MUC5AC: variants seen among roughly 807,000 people sequenced by gnomAD.
MUC5AC encodes the protein mucin-5AC.
Under a neutral mutation model 169.7 loss-of-function variants are expected in MUC5AC, and 158 were observed. That is an observed-to-expected ratio of 0.93 (90% CI 0.82 to 1.06). MUC5AC has a LOEUF of 1.06. MUC5AC is among the 50% of genes least tolerant of loss of function. MUC5AC has a pLI of 0.00. For synonymous variants in MUC5AC, 1,975 were observed against 1,237.0 expected, an observed-to-expected ratio of 1.60 and a Z score of -12.52; for missense variants, 4,359 against 3,089.9, an observed-to-expected ratio of 1.41 and a Z score of -9.74.
Position 1,161,963 on chromosome 11 carries a change from A to T in MUC5AC, c.268A>T (p.Lys90Ter), listed in dbSNP as rs905096549. 1 of 1,612,174 alleles carries T rather than the reference A, an allele frequency of 6.2e-7. No individual in the cohort carries two copies. The highest frequency in any genetic ancestry group is 8.5e-7 in the Non-Finnish European group (1 of 1,179,704). Residue 90 changes from lysine to a stop codon, truncating the protein, a stop_gained, in exon 4 of 49, where the codon AAG becomes TAG. Coordinates refer to ENST00000621226, the MANE Select transcript of MUC5AC (RefSeq NM_001304359.2). LOFTEE classifies it high-confidence loss of function. ...CAGCACCTGGGGCAGCTTCCACTACAAGACCTTCGACGGCGACGTCTTCCG... is the reference window on the plus strand; with the variant it reads ...CAGCACCTGGGGCAGCTTCCACTACTAGACCTTCGACGGCGACGTCTTCCG... The part of the protein sequence containing the change: ...VCSTWGSFHY[K>*]TFDGDVFRFP...
At position 1,188,198 on chromosome 11, in the gene MUC5AC, C is replaced by G; in HGVS notation, c.10053C>G (p.Ser3351=). ...GRATSPTQST[S]SWQKSRTTTL... Reference sequence around the variant, plus strand: ...CCACCAGCCCAACTCAGAGCACTTCCTCTTGGCAGAAATCCAGGACAACCA... The same window carrying G: ...CCACCAGCCCAACTCAGAGCACTTCGTCTTGGCAGAAATCCAGGACAACCA... Residue 3351 remains serine, a synonymous_variant, in exon 31 of 49, where the codon TCC becomes TCG. Coordinates refer to ENST00000621226, the MANE Select transcript of MUC5AC (RefSeq NM_001304359.2). 2.9e-6 allele frequency: 2 copies of G among 683,688 alleles called. No individual in the cohort carries two copies. The highest frequency in any genetic ancestry group is 3.2e-5 in the South Asian group (2 of 61,712). The allele number at this position is 683,688 out of a possible 1,614,324, so 42.4% of individuals were successfully genotyped here.
chr11:1,188,921 G>A lies in MUC5AC; in HGVS notation c.10776G>A (p.Glu3592=). 2.7e-6 allele frequency: 2 copies of A among 753,314 alleles called. No individual in the cohort carries two copies. Among genetic ancestry groups the A allele is most frequent in the South Asian group, 2.7e-5 (2 of 72,850 alleles). The allele number at this position is 753,314 out of a possible 1,614,324, so 46.7% of individuals were successfully genotyped here. A position where few individuals can be genotyped will look rare whatever the true frequency, so the allele number is the denominator to read the frequency against. Residue 3592 remains glutamate (E), a synonymous_variant, in exon 31 of 49, where the codon GAG becomes GAA. Transcript: ENST00000621226. ...LGQVVQCSRE[E]GLVCRNQDQQ... The stretch of plus-strand genomic sequence containing the variant: ...AGGTGGTGCAGTGCAGCCGCGAAGA[G>A]GGCCTGGTGTGCCGGAACCAGGACC...
chr11:1,193,909 C>A (rs1861189621), intron 33 of MUC5AC, among the ~76,000 whole-genome samples: 1 of 152,246 alleles, frequency 6.6e-6, no homozygotes, highest in African/African-American at 2.4e-5. Context: ...CCCTGCCTCG[C>A]TCCAGCCTTG....
chr11:1,189,507 A>T lies in MUC5AC; in HGVS notation c.11362A>T (p.Ile3788Leu). The T allele has an allele frequency of 1.7e-6, 1 of 592,436 alleles. No individual in the cohort carries two copies. Among genetic ancestry groups the T allele is most frequent in the Non-Finnish European group, 3.0e-6 (1 of 334,034 alleles). The allele number at this position is 592,436 out of a possible 1,614,324, so 36.7% of individuals were successfully genotyped here. ...TACAACTAGCACTACCTCTGCTCCC[A>T]TAACCAGCACAATCTCTGCCCCTAC... is the stretch of plus-strand genomic sequence containing the variant. ...APTTSTTSAP[I>L]TSTISAPTTS... The change falls in exon 31 of 49, where the codon ATA becomes TTA. Residue 3788 changes from isoleucine (I) to leucine (L), a missense_variant. Ile to Leu is a conservative substitution (Grantham distance 5). Transcript: ENST00000621226.
chr11:1,198,529 C>T (rs886774914), intron 43 of MUC5AC, among the ~76,000 whole-genome samples: 14 of 151,402 alleles, frequency 9.2e-5, no homozygotes, highest in South Asian at 6.2e-4. Flanking sequence ...CGGGGGGCTC[C>T]GGGGGACTTT....
intron 32 of MUC5AC, 121 bp from the exon 33 acceptor site, chr11:1,193,364 C>G (rs958698744): frequency 1.8e-5 from 11 of 618,042 alleles, no homozygotes; most frequent in Non-Finnish European, 8.8e-6. Flanking sequence ...AGGAAGGAAA[C>G]TGGGGCACAG....
At chr11:1,163,767 C>G (rs956102612) in intron 6 of MUC5AC, 115 bp from the exon 7 acceptor site, 2 of 779,746 alleles carry the variant, frequency 2.6e-6, no homozygotes, top group Non-Finnish European at 4.3e-6. Context: ...CAGGAGCCAC[C>G]GATGGCCCTT....
At chr11:1,200,324 A>C in intron 48 of MUC5AC, 114 bp from the exon 49 acceptor site, 1 of 602,690 alleles carries the variant, frequency 1.7e-6, no homozygotes, top group Non-Finnish European at 3.0e-6. Flanking sequence ...CACTGGCAGC[A>C]TGCCTCCAGG....
chr11:1,181,522 C>T (rs1190246383), intron 30 of MUC5AC, 63 bp downstream of exon 30: 6 of 398,258 alleles, frequency 1.5e-5, no homozygotes, highest in Non-Finnish European at 2.2e-5. Flanking sequence ...GCACAGCTGC[C>T]CTTGCTGGAC....
Position 1,189,118 on chromosome 11 carries a change from CTT to C in MUC5AC, c.10975_10976del (p.Leu3659GlyfsTer20). 1.7e-6 allele frequency: 1 copy of C among 603,148 alleles called. No individual in the cohort carries two copies. The highest frequency in any genetic ancestry group is 2.0e-5 in the South Asian group (1 of 49,438). 37.4% of individuals were successfully genotyped at this position (603,148 alleles called of 1,614,324 possible). A position where few individuals can be genotyped will look rare whatever the true frequency, so the allele number is the denominator to read the frequency against. The stretch of plus-strand genomic sequence containing the variant: ...TCTTGGCAGAAATCCAGGACAACCA[CTT>C]TGGTGACAAGCAGCATAACCTCCAC... On this transcript the variant is annotated frameshift_variant, in exon 31 of 49. Transcript: ENST00000621226. LOFTEE classifies it high-confidence loss of function.
At position 1,186,504 on chromosome 11, in the gene MUC5AC, A is replaced by G. The variant is rs2133758768; in HGVS notation, c.8359A>G (p.Ser2787Gly). 1 of 695,710 alleles carries G rather than the reference A, an allele frequency of 1.4e-6. No homozygotes were observed. Among genetic ancestry groups the G allele is most frequent in the South Asian group, 1.5e-5 (1 of 66,044 alleles). The allele number at this position is 695,710 out of a possible 1,614,324, so 43.1% of individuals were successfully genotyped here. Residue 2787 changes from serine to glycine, a missense_variant, in exon 31 of 49, where the codon AGC becomes GGC. Coordinates refer to ENST00000621226, the MANE Select transcript of MUC5AC (RefSeq NM_001304359.2). ...CAGCACAATCTCTGCCCCTACAACC[A>G]GCACAACTTTGTCTCCTACAACCAG... ...TTSTISAPTT[S>G]TTLSPTTSTT...
chr11:1,167,472 C>G (rs574338957), intron 11 of MUC5AC, among the ~76,000 whole-genome samples: 1 of 152,216 alleles, frequency 6.6e-6, no homozygotes, highest in Non-Finnish European at 1.5e-5. Flanking sequence ...CAGCGACCCT[C>G]GTGGTGGTGA....
chr11:1,192,236 T>G lies in MUC5AC; in HGVS notation c.14091T>G (p.Arg4697=), dbSNP rs61867534. ...TGGGTCAGGTGGTGCAGTGCAGCCG[T>G]GAAGAGGGCCTGGTGTGCCGGAACC... ...EHLGQVVQCS[R]EEGLVCRNQD... The change falls in exon 31 of 49, where the codon CGT becomes CGG. Residue 4697 remains arginine, a synonymous_variant. Coordinates refer to ENST00000621226, the MANE Select transcript of MUC5AC (RefSeq NM_001304359.2). The G allele has an allele frequency of 1.1e-4, 83 of 765,016 alleles. No homozygotes were observed. The highest frequency in any genetic ancestry group is 9.0e-4 in the Middle Eastern group (4 of 4,440). 47.4% of individuals were successfully genotyped at this position (765,016 alleles called of 1,614,324 possible).
At chr11:1,181,009 T>C (rs878877165) in intron 28 of MUC5AC, 130 bp from the exon 29 acceptor site, 40,655 of 397,786 alleles carry the variant, frequency 0.1, 2,622 homozygotes, top group Non-Finnish European at 0.14. Context: ...AGTCTGGGGG[T>C]GCAATGCAGT....
At chr11:1,168,252 C>T (rs1241503768) in intron 12 of MUC5AC, among the ~76,000 whole-genome samples, 3 of 152,204 alleles carry the variant, frequency 2.0e-5, no homozygotes, top group African/African-American at 7.2e-5. Flanking sequence ...AGCATGGCTT[C>T]TCCACTGAAG....
At chr11:1,198,163 G>A (rs1590154740) in intron 42 of MUC5AC, 105 bp from the exon 43 acceptor site, 1 of 698,572 alleles carries the variant, frequency 1.4e-6, no homozygotes, top group South Asian at 1.5e-5. Flanking sequence ...AACCCCAGTG[G>A]CGAGCCCGGG....
Position 1,198,722 on chromosome 11 carries a change from C to T in MUC5AC, c.16174-152C>T, listed in dbSNP as rs542707513. On this transcript the variant is annotated intron_variant, in intron 43 of 48. Transcript: ENST00000621226. ...TGGCCTCTGCACCAAGAGGTGCCAC[C>T]ACGAGTCACCCCAGGGGTGCAACTC... 3.4e-4 allele frequency among the ~76,000 whole-genome samples: 52 copies of T among 152,184 alleles called. 1 individual carries two copies. The South Asian group carries it at 0.01, about 30-fold the overall frequency.
chr11:1,196,361 C>T (rs1564920080), intron 37 of MUC5AC, 27 bp from the exon 38 acceptor site: 2 of 764,084 alleles, frequency 2.6e-6, no homozygotes, highest in African/African-American at 3.4e-5. Context: ...CTCCCACCCT[C>T]TCAGGTGTGG....
chr11:1,175,526 C>T (rs1190187804), intron 19 of MUC5AC, among the ~76,000 whole-genome samples: 2 of 150,552 alleles, frequency 1.3e-5, no homozygotes, highest in East Asian at 2.0e-4. Flanking sequence ...GACACGCCCA[C>T]TCATGCACAC....
Sources: gnomAD v4.1 joint callset for allele counts (sites outside exome capture counted in the v4.1 genomes callset) on GRCh38, gnomAD v4.1.1 for gene constraint, MANE v1.5 for transcripts, NCBI Gene and HGNC (gene_info 2026-07-23, HGNC 2026-07-21) for gene names.